PKP4: variants seen among roughly 807,000 people sequenced by gnomAD.
PKP4 encodes the protein plakophilin-4.
PKP4 carries 90 observed loss-of-function variants against 145.1 expected under a neutral mutation model. The ratio of observed to expected loss-of-function variants is 0.62; its 90% CI spans 0.52 to 0.74. The LOEUF (loss-of-function observed/expected upper bound fraction) is 0.74, where lower values mean the gene tolerates loss of function less well. Among genes scored for constraint, PKP4 ranks in the 30% least tolerant of loss-of-function variants. PKP4 has a pLI of 0.00. For missense variants in PKP4, 1,340 were observed against 1,482.7 expected (o/e 0.90, Z 1.58); for synonymous variants, 563 against 577.2 (o/e 0.98, Z 0.35).
At chr2:158,508,209 C>T (rs951636961) in intron 1 of PKP4, among the ~76,000 whole-genome samples, 7 of 147,734 alleles carry the variant, frequency 4.7e-5, no homozygotes, top group African/African-American at 1.5e-4. Flanking sequence ...AAAAAAAATA[C>T]AAAAAATTAG....
At chr2:158,531,230 A>G (rs1222564585) in intron 1 of PKP4, among the ~76,000 whole-genome samples, 2 of 152,178 alleles carry the variant, frequency 1.3e-5, no homozygotes, top group Non-Finnish European at 2.9e-5. Flanking sequence ...TTACTTCCCC[A>G]GTGACATTTC....
chr2:158,568,584 TG>T (rs930458141), intron 2 of PKP4, among the ~76,000 whole-genome samples: 1 of 152,184 alleles, frequency 6.6e-6, no homozygotes, highest in Non-Finnish European at 1.5e-5. Context: ...ATAGTGAATT[TG>T]GACATTACCA....
At position 158,621,281 on chromosome 2, in the gene PKP4, A is replaced by G; in HGVS notation, c.463A>G (p.Ser155Gly). The G allele has an allele frequency of 1.2e-6, 2 of 1,614,226 alleles. No homozygotes were observed. The highest frequency in any genetic ancestry group is 1.3e-5 in the African/African-American group (1 of 75,062). ...AACACAAATGAATTCTTATTCCGAC[A>G]GTGGATACCAGGAAGCAGGGAGTTT... ...SSTQMNSYSD[S>G]GYQEAGSFHN... Residue 155 changes from serine (S) to glycine (G), a missense_variant, in exon 6 of 22, where the codon AGT (serine) becomes GGT (glycine). Ser to Gly is a moderately conservative substitution (Grantham distance 56, BLOSUM62 0). Transcript: ENST00000389759.
intron 1 of PKP4, among the ~76,000 whole-genome samples, chr2:158,472,576 G>C (rs1056358597): frequency 1.5e-5 from 2 of 131,332 alleles, no homozygotes; most frequent in Non-Finnish European, 3.1e-5. Context: ...TCAAGCCACT[G>C]CACTCCAGCC....
intron 15 of PKP4, among the ~76,000 whole-genome samples, chr2:158,665,693 C>T (rs1317978112): frequency 2.6e-5 from 4 of 152,160 alleles, no homozygotes; most frequent in East Asian, 1.9e-4. Context: ...GATGACTTAG[C>T]GCTCATTTCC....
At chr2:158,630,441 G>C (rs892762825) in intron 7 of PKP4, among the ~76,000 whole-genome samples, 13 of 152,022 alleles carry the variant, frequency 8.6e-5, no homozygotes, top group Non-Finnish European at 8.8e-5. Flanking sequence ...ACAGTTTTTG[G>C]GTTTGATTTT....
chr2:158,468,428 T>C (rs952172508), intron 1 of PKP4, among the ~76,000 whole-genome samples: 6 of 152,226 alleles, frequency 3.9e-5, no homozygotes, highest in Non-Finnish European at 8.8e-5. Flanking sequence ...CTTTGTAGCT[T>C]GGCTTCAGGA....
chr2:158,511,514 A>G (rs922506628), intron 1 of PKP4, among the ~76,000 whole-genome samples: 5 of 152,198 alleles, frequency 3.3e-5, no homozygotes, highest in African/African-American at 9.7e-5. Context: ...CAAATGTTCT[A>G]TCCTTTGGAA....
chr2:158,502,151 A>G (rs540486689), intron 1 of PKP4, among the ~76,000 whole-genome samples: 41 of 152,306 alleles, frequency 2.7e-4, no homozygotes, highest in African/African-American at 9.4e-4. Context: ...ATTTTTAAAA[A>G]ATCATGAAAT....
chr2:158,625,830 G>A (rs1455771546), intron 7 of PKP4, among the ~76,000 whole-genome samples: 3 of 152,168 alleles, frequency 2.0e-5, no homozygotes, highest in South Asian at 2.1e-4. Context: ...CAGAATATCT[G>A]TTTAAATGTT....
chr2:158,670,031 C>T (rs2057425776), intron 17 of PKP4, 116 bp downstream of exon 17: 2 of 813,692 alleles, frequency 2.5e-6, no homozygotes, highest in Admixed American at 3.0e-5. Flanking sequence ...GCATTTCTTA[C>T]ATGCCGATAA....
intron 1 of PKP4, among the ~76,000 whole-genome samples, chr2:158,499,147 A>T (rs376119926): frequency 1.3e-5 from 2 of 152,200 alleles, no homozygotes; most frequent in African/African-American, 2.4e-5. Flanking sequence ...GCAGTTTATT[A>T]TACTATGGTG....
intron 3 of PKP4, among the ~76,000 whole-genome samples, chr2:158,580,577 G>A (rs185028728): frequency 6.6e-6 from 1 of 152,330 alleles, no homozygotes; most frequent in Non-Finnish European, 1.5e-5. Context: ...CCAACTGAAA[G>A]TTGTTATTGG....
chr2:158,632,615 G>A (rs183717005), intron 8 of PKP4: 33 of 152,230 alleles, frequency 2.2e-4, no homozygotes, highest in African/African-American at 7.9e-4. Flanking sequence ...CTAGCTCATG[G>A]AGTCTCAAGA....
intron 1 of PKP4, among the ~76,000 whole-genome samples, chr2:158,494,196 T>C (rs1259024561): frequency 6.6e-6 from 1 of 152,178 alleles, no homozygotes; most frequent in Non-Finnish European, 1.5e-5. Context: ...GGCATCTCAC[T>C]ATGTTTCTAC....
rs372574989 is a variant in PKP4, at chr2:158,670,219, A to G, written c.2924+304A>G. 1.2e-4 allele frequency among the ~76,000 whole-genome samples: 18 copies of G among 152,254 alleles called. No individual in the cohort carries two copies. The East Asian group carries it at 2.7e-3, about 23-fold the overall frequency. On this transcript the variant is annotated intron_variant, in intron 17 of 21. Coordinates refer to ENST00000389759, the MANE Select transcript of PKP4 (RefSeq NM_003628.6). ...GTTGTGAACTGGGTGGCTTATAAAC[A>G]ACAGAAATTTATTTCTCACAGTTCT...
chr2:158,641,341 A>AG (rs974538974), intron 10 of PKP4, among the ~76,000 whole-genome samples: 4 of 152,010 alleles, frequency 2.6e-5, no homozygotes, highest in Admixed American at 1.3e-4. Context: ...CAAAAAAAAA[A>AG]AAAATTATTA....
chr2:158,601,665 T>G (rs1291166058), intron 3 of PKP4, among the ~76,000 whole-genome samples: 1 of 152,158 alleles, frequency 6.6e-6, no homozygotes, highest in Non-Finnish European at 1.5e-5. Flanking sequence ...ATTAACTGAT[T>G]GACTCCACTT....
chr2:158,472,559 G>A (rs1691749452), intron 1 of PKP4, among the ~76,000 whole-genome samples: 2 of 138,586 alleles, frequency 1.4e-5, no homozygotes, highest in Non-Finnish European at 3.0e-5. Flanking sequence ...CTTGCAGTGA[G>A]CAGAGATCAA....
Sources: gnomAD v4.1 joint callset for allele counts (sites outside exome capture counted in the v4.1 genomes callset) on GRCh38, gnomAD v4.1.1 for gene constraint, MANE v1.5 for transcripts, NCBI Gene and HGNC (gene_info 2026-07-23, HGNC 2026-07-21) for gene names.